TSC22D1: variants seen among roughly 807,000 people sequenced by gnomAD.
TSC22D1 encodes TSC22 domain family member 1, also known as TSC22 domain family protein 1.
In TSC22D1, 9 loss-of-function variants were observed where a neutral mutation model predicts 74.2. That is an observed-to-expected ratio of 0.12 (90% CI 0.07 to 0.21). TSC22D1 has a LOEUF of 0.21. Among genes scored for constraint, TSC22D1 ranks in the 10% least tolerant of loss-of-function variants. The probability of loss-of-function intolerance (pLI) is 1.00; values close to 1 mark genes in which losing one functional copy is unlikely to be tolerated. For missense variants in TSC22D1, 1,427 were observed against 1,304.7 expected, an observed-to-expected ratio of 1.09 and a Z score of -1.44; for synonymous variants, 586 against 492.5, an observed-to-expected ratio of 1.19 and a Z score of -2.51.
In TSC22D1 at chr13:44,511,836, G is replaced by A. The variant is rs1879737024; in HGVS notation, c.2912+61327C>T. On this transcript the variant is annotated intron_variant, in intron 1 of 2. Coordinates refer to ENST00000458659, the MANE Select transcript of TSC22D1 (RefSeq NM_183422.4). ...GTTTTAATTCAGACACTGAAGGAGG[G>A]CCTGATTATATTTGGTTAAGTGAAG... 2.0e-5 allele frequency among the ~76,000 whole-genome samples: 3 copies of A among 152,112 alleles called. No individual in the cohort carries two copies. In the South Asian group the frequency reaches 6.2e-4, roughly 32 times the overall value.
intron 1 of TSC22D1, among the ~76,000 whole-genome samples, chr13:44,551,389 G>GGTGGGTGGGTGGGT (rs1298469090): frequency 8.0e-6 from 1 of 125,250 alleles, no homozygotes; most frequent in African/African-American, 3.1e-5. Context: ...CAATCAGATG[G>GGTGGGTGGGTGGGT]GTGTGTGTGT....
chr13:44,437,071 G>C, intron 1 of TSC22D1: 1 of 969,470 alleles, frequency 1.0e-6, no homozygotes. Flanking sequence ...GTGGGGTGCT[G>C]GGTTCGGAGG....
At chr13:44,551,314 T>G (rs915970673) in intron 1 of TSC22D1, among the ~76,000 whole-genome samples, 11 of 138,362 alleles carry the variant, frequency 8.0e-5, no homozygotes, top group East Asian at 4.2e-4. Flanking sequence ...GCTGGGGGTG[T>G]GTGTGTGTGT....
chr13:44,530,170 G>A (rs1309886317), intron 1 of TSC22D1, among the ~76,000 whole-genome samples: 1 of 152,084 alleles, frequency 6.6e-6, no homozygotes, highest in African/African-American at 2.4e-5. Context: ...TTAGTAAAAA[G>A]CTTCAGTATT....
At chr13:44,539,388 C>A in intron 1 of TSC22D1, 1 of 985,314 alleles carries the variant, frequency 1.0e-6, no homozygotes, top group Non-Finnish European at 1.2e-6. Flanking sequence ...ATAAATTAGA[C>A]TTCAAATGTC....
At chr13:44,516,094 C>T (rs1394302385) in intron 1 of TSC22D1, among the ~76,000 whole-genome samples, 1 of 152,120 alleles carries the variant, frequency 6.6e-6, no homozygotes, top group African/African-American at 2.4e-5. Context: ...TTAATAAAAA[C>T]ATATCCAATT....
intron 1 of TSC22D1, among the ~76,000 whole-genome samples, chr13:44,557,910 A>G (rs1179109449): frequency 6.6e-6 from 1 of 152,224 alleles, no homozygotes; most frequent in Admixed American, 6.5e-5. Flanking sequence ...TTACTTCAGC[A>G]AATTTTCCAA....
intron 1 of TSC22D1, among the ~76,000 whole-genome samples, chr13:44,512,657 C>CT (rs1555268940): frequency 2.0e-5 from 3 of 151,310 alleles, no homozygotes; most frequent in Admixed American, 2.0e-4. Flanking sequence ...TAAAAGCAAT[C>CT]TTTTTTGTTT....
chr13:44,513,544 G>T (rs1879836797), intron 1 of TSC22D1, among the ~76,000 whole-genome samples: 1 of 152,116 alleles, frequency 6.6e-6, no homozygotes, highest in African/African-American at 2.4e-5. Context: ...ACTAGATTGG[G>T]AAGAAAATGG....
chr13:44,455,976 G>C (rs1356185921), intron 1 of TSC22D1, among the ~76,000 whole-genome samples: 1 of 152,174 alleles, frequency 6.6e-6, no homozygotes, highest in Non-Finnish European at 1.5e-5. Context: ...ATGCAGTAAA[G>C]AACTCAATAC....
intron 1 of TSC22D1, among the ~76,000 whole-genome samples, chr13:44,541,370 A>T (rs541488792): frequency 1.6e-4 from 24 of 152,314 alleles, no homozygotes; most frequent in African/African-American, 5.8e-4. Context: ...ATTCTGTACA[A>T]ATGAGAAATG....
intron 1 of TSC22D1, among the ~76,000 whole-genome samples, chr13:44,550,976 G>A (rs920714988): frequency 1.5e-4 from 22 of 150,512 alleles, no homozygotes; most frequent in African/African-American, 4.9e-4. Context: ...GCATGGTGGC[G>A]CCCACCTGTA....
At chr13:44,525,126 A>G (rs531621919) in intron 1 of TSC22D1, among the ~76,000 whole-genome samples, 2 of 152,126 alleles carry the variant, frequency 1.3e-5, no homozygotes, top group African/African-American at 2.4e-5. Context: ...GGGGTAAAAA[A>G]GCTGAGAAGC....
In TSC22D1 at chr13:44,487,498, C is replaced by CAAAAAAAAAAAAAAAAAA. The variant is rs61034237; in HGVS notation, c.2913-51421_2913-51404dup. ...TGGGCAACAGAGCAAGACTCCATCT[C>CAAAAAAAAAAAAAAAAAA]AAAAAAAAAAAAAAAAAAAAAAAAA... On this transcript the variant is annotated intron_variant, in intron 1 of 2. Coordinates refer to ENST00000458659, the MANE Select transcript of TSC22D1 (RefSeq NM_183422.4). Among the ~76,000 whole-genome samples, 3 of 23,460 alleles carry CAAAAAAAAAAAAAAAAAA rather than the reference C, an allele frequency of 1.3e-4. 1 individual carries two copies. Among genetic ancestry groups the CAAAAAAAAAAAAAAAAAA allele is most frequent in the African/African-American group, 6.5e-4 (3 of 4,600 alleles). The allele number at this position is 23,460 out of a possible 152,430, so 15.4% of individuals were successfully genotyped here.
chr13:44,551,716 C>T (rs937038257), intron 1 of TSC22D1, among the ~76,000 whole-genome samples: 9 of 152,178 alleles, frequency 5.9e-5, no homozygotes, highest in East Asian at 1.9e-4. Context: ...CCATCGTGCC[C>T]GGCCGCCATC....
chr13:44,509,950 C>CAAAAAAAAAAAAAAAAAAAAATAAAA, intron 1 of TSC22D1, among the ~76,000 whole-genome samples: 1 of 51,426 alleles, frequency 1.9e-5, no homozygotes, highest in Non-Finnish European at 3.6e-5. Flanking sequence ...AGAAAATAAG[C>CAAAAAAAAAAAAAAAAAAAAATAAAA]AAAAAAAAAA....
intron 1 of TSC22D1, chr13:44,436,600 G>A (rs768487448): frequency 6.2e-7 from 1 of 1,613,822 alleles, no homozygotes; most frequent in African/African-American, 1.3e-5. Flanking sequence ...TAGATCCATC[G>A]CCACTGGTCT....
chr13:44,527,244 G>T (rs1714660028), intron 1 of TSC22D1, among the ~76,000 whole-genome samples: 1 of 151,864 alleles, frequency 6.6e-6, no homozygotes, highest in African/African-American at 2.4e-5. Context: ...AAGCATTAAA[G>T]AATAAAAGAT....
At position 44,434,498 on chromosome 13, in the gene TSC22D1, A is replaced by G; in HGVS notation, c.*128T>C. 7.0e-7 allele frequency: 1 copy of G among 1,421,850 alleles called. No individual in the cohort carries two copies. Among genetic ancestry groups the G allele is most frequent in the South Asian group, 1.7e-5 (1 of 59,420 alleles). The allele number at this position is 1,421,850 out of a possible 1,614,324, so 88.1% of individuals were successfully genotyped here. A position where few individuals can be genotyped will look rare whatever the true frequency, so the allele number is the denominator to read the frequency against. ...AATACTGGAAAAGAGATAATGGCAT[A>G]TGTCAGTCTCACGTCTCTTTCGCAG... On this transcript the variant is annotated 3_prime_UTR_variant, in exon 3 of 3. Transcript: ENST00000458659.
Sources: gnomAD v4.1 joint callset for allele counts (sites outside exome capture counted in the v4.1 genomes callset) on GRCh38, gnomAD v4.1.1 for gene constraint, MANE v1.5 for transcripts, NCBI Gene and HGNC (gene_info 2026-07-23, HGNC 2026-07-21) for gene names.